The following ADGRB3 variants were observed in gnomAD, a reference collection of about 807,000 sequenced individuals.
ADGRB3 encodes the protein brain-specific angiogenesis inhibitor 3.
Under a neutral mutation model 193.4 loss-of-function variants are expected in ADGRB3, and 37 were observed. That is an observed-to-expected ratio of 0.19 (90% CI 0.15 to 0.25). ADGRB3 has a LOEUF of 0.25. Among genes scored for constraint, ADGRB3 ranks in the 10% least tolerant of loss-of-function variants. The pLI is 1.00. For missense variants in ADGRB3, 1,637 were observed against 1,852.9 expected (o/e 0.88, Z 2.14); for synonymous variants, 690 against 644.2 (o/e 1.07, Z -1.08).
At chr6:69,111,450 G>A (rs1404397360) in intron 17 of ADGRB3, among the ~76,000 whole-genome samples, 1 of 152,120 alleles carries the variant, frequency 6.6e-6, no homozygotes, top group African/African-American at 2.4e-5. Context: ...GTGTAGCCCT[G>A]TTTGCTGCCT....
At chr6:69,034,723 A>G (rs1770817505) in intron 13 of ADGRB3, among the ~76,000 whole-genome samples, 4 of 151,434 alleles carry the variant, frequency 2.6e-5, no homozygotes, top group Admixed American at 2.6e-4. Context: ...TAACTTAGAA[A>G]GGGATAGTTT....
intron 3 of ADGRB3, among the ~76,000 whole-genome samples, chr6:68,903,263 C>T (rs1003906456): frequency 6.6e-6 from 1 of 152,116 alleles, no homozygotes; most frequent in African/African-American, 2.4e-5. Flanking sequence ...AATAGGAGAT[C>T]ATGCATTATT....
intron 17 of ADGRB3, among the ~76,000 whole-genome samples, chr6:69,173,484 A>T (rs539985630): frequency 6.6e-6 from 1 of 152,322 alleles, no homozygotes; most frequent in South Asian, 2.1e-4. Context: ...TTAGTGGATA[A>T]GACAGGTGTA....
chr6:68,818,530 G>C (rs1767678872), intron 3 of ADGRB3, among the ~76,000 whole-genome samples: 1 of 151,916 alleles, frequency 6.6e-6, no homozygotes, highest in Non-Finnish European at 1.5e-5. Flanking sequence ...TAGATTTAGT[G>C]GTTTAACTAG....
intron 17 of ADGRB3, among the ~76,000 whole-genome samples, chr6:69,092,081 C>T (rs1057069514): frequency 3.9e-5 from 6 of 152,194 alleles, no homozygotes; most frequent in Non-Finnish European, 7.3e-5. Context: ...TCTCCAGCTT[C>T]TTCAGTCTTG....
chr6:69,273,093 G>T (rs945549316), intron 20 of ADGRB3, among the ~76,000 whole-genome samples: 13 of 152,200 alleles, frequency 8.5e-5, no homozygotes, highest in African/African-American at 2.9e-4. Flanking sequence ...TAGAGACGGG[G>T]TTTCACCATG....
At chr6:69,102,260 C>T (rs1202607968) in intron 17 of ADGRB3, among the ~76,000 whole-genome samples, 1 of 151,830 alleles carries the variant, frequency 6.6e-6, no homozygotes, top group Non-Finnish European at 1.5e-5. Context: ...CTTTGCATCC[C>T]AATCATTTTA....
intron 3 of ADGRB3, among the ~76,000 whole-genome samples, chr6:68,712,190 C>G (rs555420654): frequency 6.6e-6 from 1 of 151,652 alleles, no homozygotes; most frequent in Non-Finnish European, 1.5e-5. Flanking sequence ...TTAATTTATG[C>G]GTATAACATC....
intron 17 of ADGRB3, chr6:69,232,508 T>G: frequency 6.5e-7 from 1 of 1,535,582 alleles, no homozygotes; most frequent in Non-Finnish European, 8.7e-7. Flanking sequence ...CTCTGAATGT[T>G]CTAGCGGACT....
In ADGRB3 at chr6:69,324,866, C is replaced by G. The variant is rs1229139005; in HGVS notation, c.2815-6C>G. 2.5e-6 allele frequency: 4 copies of G among 1,612,368 alleles called. No individual in the cohort carries two copies. In the African/African-American group the frequency reaches 5.3e-5, roughly 22 times the overall value. On this transcript the variant is annotated splice_region_variant and splice_polypyrimidine_tract_variant and intron_variant, in intron 20 of 31. Coordinates refer to ENST00000370598, the MANE Select transcript of ADGRB3 (RefSeq NM_001704.3). ...TGTGAGTCTTTTTGTTTGTTTGTTT[C>G]CACAGAGTATCTGCACAACCACCAC... is the stretch of plus-strand genomic sequence containing the variant.
At chr6:68,880,602 C>T (rs2150224159) in intron 3 of ADGRB3, among the ~76,000 whole-genome samples, 1 of 152,286 alleles carries the variant, frequency 6.6e-6, no homozygotes, top group East Asian at 1.9e-4. Context: ...GCGTAAATAA[C>T]TTCTGGGTCA....
chr6:69,193,508 A>T (rs1180281315), intron 17 of ADGRB3, among the ~76,000 whole-genome samples: 1 of 152,114 alleles, frequency 6.6e-6, no homozygotes, highest in Non-Finnish European at 1.5e-5. Context: ...TGAGGAAGGC[A>T]GTGGCACAAG....
chr6:69,175,721 C>T (rs1206717075), intron 17 of ADGRB3, among the ~76,000 whole-genome samples: 2 of 152,112 alleles, frequency 1.3e-5, no homozygotes, highest in African/African-American at 4.8e-5. Context: ...TCGTAGATTG[C>T]CTTAAGCAGT....
chr6:68,862,975 T>TA (rs1158431231), intron 3 of ADGRB3, among the ~76,000 whole-genome samples: 2 of 152,216 alleles, frequency 1.3e-5, no homozygotes, highest in Non-Finnish European at 2.9e-5. Flanking sequence ...GCATTTGCAT[T>TA]ACTAACATTA....
At chr6:69,263,963 C>G (rs1372059140) in intron 20 of ADGRB3, among the ~76,000 whole-genome samples, 1 of 151,928 alleles carries the variant, frequency 6.6e-6, no homozygotes, top group Non-Finnish European at 1.5e-5. Flanking sequence ...TTAACATACT[C>G]CTTCTACTCA....
At chr6:69,114,519 C>G (rs1012116422) in intron 17 of ADGRB3, among the ~76,000 whole-genome samples, 2 of 152,132 alleles carry the variant, frequency 1.3e-5, no homozygotes, top group Non-Finnish European at 2.9e-5. Flanking sequence ...TTAATTAGAT[C>G]CTATTTGTCA....
chr6:68,661,562 T>G (rs1334355155), intron 3 of ADGRB3, among the ~76,000 whole-genome samples: 2 of 132,356 alleles, frequency 1.5e-5, no homozygotes, highest in African/African-American at 5.8e-5. Context: ...TATATATATA[T>G]ATATATATAG....
chr6:68,975,106 T>G, intron 9 of ADGRB3, 128 bp from the exon 10 acceptor site: 1 of 745,700 alleles, frequency 1.3e-6, no homozygotes, highest in South Asian at 2.0e-5. Context: ...AATCAAAATA[T>G]CAATTTCATG....
chr6:68,689,942 G>T (rs1765043399), intron 3 of ADGRB3, among the ~76,000 whole-genome samples: 1 of 151,968 alleles, frequency 6.6e-6, no homozygotes, highest in Admixed American at 6.6e-5. Context: ...TTGTCATTCT[G>T]GTCATTATAC....
Sources: gnomAD v4.1 joint callset for allele counts (sites outside exome capture counted in the v4.1 genomes callset) on GRCh38, gnomAD v4.1.1 for gene constraint, MANE v1.5 for transcripts, NCBI Gene and HGNC (gene_info 2026-07-23, HGNC 2026-07-21) for gene names.